Variants in GATA3 observed in about 807,000 individuals in gnomAD.
The protein encoded by GATA3 is trans-acting T-cell-specific transcription factor GATA-3.
In GATA3, 6 loss-of-function variants were observed where a neutral mutation model predicts 36.0. The ratio of observed to expected loss-of-function variants is 0.17; its 90% CI spans 0.09 to 0.33. The LOEUF (loss-of-function observed/expected upper bound fraction) is 0.33. Ranked by LOEUF, GATA3 falls within the 10% of genes least tolerant of loss-of-function variation. The pLI is 1.00. For missense variants in GATA3, 514 were observed against 610.1 expected, an observed-to-expected ratio of 0.84 and a Z score of 1.66; for synonymous variants, 326 against 273.0, an observed-to-expected ratio of 1.19 and a Z score of -1.92.
chr10:8,071,717 A>C (rs1832934354), intron 5 of GATA3, among the ~76,000 whole-genome samples: 1 of 152,204 alleles, frequency 6.6e-6, no homozygotes, highest in Non-Finnish European at 1.5e-5. Context: ...TTGAACAATA[A>C]GAGATAATAA....
At position 8,055,753 on chromosome 10, in the gene GATA3, A is replaced by C; in HGVS notation, c.98A>C (p.His33Pro). The C allele has an allele frequency of 1.3e-6, 2 of 1,583,664 alleles. No individual in the cohort carries two copies. The highest frequency in any genetic ancestry group is 1.7e-6 in the Non-Finnish European group (2 of 1,164,956). ...GACACGCACCACCCGGGCCTCAGCCACTCCTACATGGACGCGGCGCAGTAC... is the reference window on the plus strand; with the variant it reads ...GACACGCACCACCCGGGCCTCAGCCCCTCCTACATGGACGCGGCGCAGTAC... ...HPDTHHPGLS[H>P]SYMDAAQYPL... Residue 33 changes from histidine to proline, a missense_variant, in exon 2 of 6, where the codon CAC becomes CCC. His to Pro is a moderately conservative substitution (Grantham distance 77). Transcript: ENST00000379328. The surrounding 1 kb of genome is among the most constrained non-coding windows in gnomAD (Gnocchi z 5.4).
upstream of GATA3, chr10:8,052,413 T>G (rs191365929): frequency 6.6e-5 from 10 of 152,234 alleles, no homozygotes; most frequent in Non-Finnish European, 1.3e-4. Flanking sequence ...TCTTTTCTTT[T>G]TGTCTTTGAA....
chr10:8,061,872 G>A (rs552190764), intron 3 of GATA3, among the ~76,000 whole-genome samples: 1 of 152,322 alleles, frequency 6.6e-6, no homozygotes, highest in South Asian at 2.1e-4. Flanking sequence ...CAACCACAGC[G>A]GCCTCTCCTC....
intron 4 of GATA3, among the ~76,000 whole-genome samples, 175 bp from the exon 5 acceptor site, chr10:8,069,298 C>T (rs1462800595): frequency 6.6e-6 from 1 of 151,930 alleles, no homozygotes; most frequent in East Asian, 1.9e-4. Flanking sequence ...CGACATTTTT[C>T]TTCTCGAGGC....
intron 3 of GATA3, among the ~76,000 whole-genome samples, chr10:8,059,389 C>T (rs1832710567): frequency 6.6e-6 from 1 of 152,168 alleles, no homozygotes; most frequent in South Asian, 2.1e-4. Flanking sequence ...CAAAGCTGCA[C>T]GCATATTCTC....
chr10:8,072,445 C>G (rs1160415737), intron 5 of GATA3, among the ~76,000 whole-genome samples: 1 of 152,220 alleles, frequency 6.6e-6, no homozygotes, highest in Non-Finnish European at 1.5e-5. Flanking sequence ...GTGGAGTTTG[C>G]TCTTCCGGGC....
intron 3 of GATA3, among the ~76,000 whole-genome samples, chr10:8,060,470 G>A (rs917804984): frequency 6.6e-6 from 1 of 152,172 alleles, no homozygotes; most frequent in African/African-American, 2.4e-5. Flanking sequence ...CACAGGCTGG[G>A]GAGCTGAATC....
At chr10:8,067,075 T>C (rs1832854656) in intron 4 of GATA3, among the ~76,000 whole-genome samples, 1 of 152,036 alleles carries the variant, frequency 6.6e-6, no homozygotes, top group Admixed American at 6.6e-5. Context: ...TAATCACATA[T>C]AATTTAATTG....
upstream of GATA3, among the ~76,000 whole-genome samples, chr10:8,052,008 C>T (rs910262187): frequency 3.9e-5 from 6 of 152,184 alleles, no homozygotes; most frequent in African/African-American, 1.4e-4. Flanking sequence ...CTCCGGGCTC[C>T]GGGGCTGGGC....
intron 4 of GATA3, among the ~76,000 whole-genome samples, chr10:8,065,252 CTTT>C (rs34193161): frequency 1.1e-5 from 1 of 92,094 alleles, no homozygotes; most frequent in Non-Finnish European, 2.0e-5. Flanking sequence ...GAAAAACTTT[CTTT>C]TTTTTTTTTT....
rs934089092 is a variant in GATA3, at chr10:8,074,129, T to A, written c.*106T>A. 1 of 1,340,610 alleles carries A rather than the reference T, an allele frequency of 7.5e-7. No individual in the cohort carries two copies. The highest frequency in any genetic ancestry group is 1.0e-6 in the Non-Finnish European group (1 of 984,478). 83.0% of individuals were successfully genotyped at this position (1,340,610 alleles called of 1,614,324 possible). A position where few individuals can be genotyped will look rare whatever the true frequency, so the allele number is the denominator to read the frequency against. On this transcript the variant is annotated 3_prime_UTR_variant, in exon 6 of 6. Transcript: ENST00000379328. ...ATGAAGCCTAAACGCGATGGATATA[T>A]GTTTTTGAAGGCAGAAAGCAAAATT...
At position 8,055,637 on chromosome 10, in the gene GATA3, C is replaced by A. The variant is rs1832618188; in HGVS notation, c.-19C>A. The A allele has an allele frequency of 1.9e-6, 3 of 1,548,760 alleles. No individual in the cohort carries two copies. Among genetic ancestry groups the A allele is most frequent in the South Asian group, 1.2e-5 (1 of 84,230 alleles). On this transcript the variant is annotated 5_prime_UTR_variant, in exon 2 of 6. Transcript: ENST00000379328. The surrounding 1 kb of genome is among the most constrained non-coding windows in gnomAD (Gnocchi z 5.4). ...GCGGGTTCCGGGCCCGGCGAGAGGG[C>A]GCGAGCACAGCCGAGGCCATGGAGG...
upstream of GATA3, chr10:8,050,857 A>G: frequency 2.4e-6 from 1 of 417,454 alleles, no homozygotes; most frequent in South Asian, 1.9e-5. Context: ...CCGCGGGATT[A>G]GTAACTTTAG....
chr10:8,061,389 GT>G (rs1343754486), intron 3 of GATA3, among the ~76,000 whole-genome samples: 1 of 152,162 alleles, frequency 6.6e-6, no homozygotes, highest in African/African-American at 2.4e-5. Flanking sequence ...TGGTTTAAGG[GT>G]TTCAGGCCAA....
chr10:8,060,275 C>G (rs1234260066), intron 3 of GATA3, among the ~76,000 whole-genome samples: 1 of 152,222 alleles, frequency 6.6e-6, no homozygotes, highest in Non-Finnish European at 1.5e-5. Context: ...CAGAAGAACC[C>G]AGACCTGCAT....
chr10:8,046,149 G>C (rs1366161161), intron 1 of GATA3, among the ~76,000 whole-genome samples: 1 of 152,178 alleles, frequency 6.6e-6, no homozygotes, highest in Non-Finnish European at 1.5e-5. Flanking sequence ...AAGCGGAAGG[G>C]GCAGAGAGGA....
intron 3 of GATA3, among the ~76,000 whole-genome samples, chr10:8,062,768 G>A (rs949640255): frequency 6.6e-6 from 1 of 152,102 alleles, no homozygotes; most frequent in Admixed American, 6.6e-5. Flanking sequence ...CCTCTCTGGG[G>A]GACCAACTTG....
rs570896512 is a variant in GATA3 at position 8,071,108 on chromosome 10, C to T, written c.1050+1510C>T. 1.1e-4 allele frequency among the ~76,000 whole-genome samples: 16 copies of T among 152,322 alleles called. No homozygotes were observed. The South Asian group carries it at 3.1e-3, about 30-fold the overall frequency. ...TGGATTTCAAAGAACTTTCATGTTA[C>T]TTGATTACATTTGAGCCTGAGATAG... On this transcript the variant is annotated intron_variant, in intron 5 of 5. Transcript: ENST00000379328.
chr10:8,067,233 A>T (rs1392372423), intron 4 of GATA3, among the ~76,000 whole-genome samples: 1 of 152,170 alleles, frequency 6.6e-6, no homozygotes, highest in African/African-American at 2.4e-5. Context: ...GGACAATGTG[A>T]ATTACATTCA....
Sources: gnomAD v4.1 joint callset for allele counts (sites outside exome capture counted in the v4.1 genomes callset) on GRCh38, gnomAD v4.1.1 for gene constraint, Gnocchi (gnomAD v3.1) non-coding constraint, MANE v1.5 for transcripts, NCBI Gene and HGNC (gene_info 2026-07-23, HGNC 2026-07-21) for gene names.